RPS6KC1: variants seen among roughly 807,000 people sequenced by gnomAD.
RPS6KC1 encodes ribosomal protein S6 kinase C1, also known as inactive ribosomal protein S6 kinase delta-1.
In RPS6KC1, 54 loss-of-function variants were observed where a neutral mutation model predicts 103.8. That is an observed-to-expected ratio of 0.52 (90% confidence interval 0.42 to 0.65). RPS6KC1 has a LOEUF of 0.65. Ranked by LOEUF, RPS6KC1 falls within the 30% of genes least tolerant of loss-of-function variation. The pLI, the probability that RPS6KC1 is intolerant of heterozygous loss-of-function variation, is 0.00. For synonymous variants in RPS6KC1, 439 were observed against 438.7 expected (o/e 1.00, Z -0.01); for missense variants, 1,151 against 1,253.8 (o/e 0.92, Z 1.24).
the RPS6KC1 span, among the ~76,000 whole-genome samples, chr1:213,449,632 T>G: frequency 6.6e-6 from 1 of 152,222 alleles, no homozygotes; most frequent in Non-Finnish European, 1.5e-5. Context: ...AACATATGAA[T>G]TTTTGCAGGA....
At chr1:213,662,202 C>T in the RPS6KC1 span, among the ~76,000 whole-genome samples, 1 of 141,064 alleles carries the variant, frequency 7.1e-6, no homozygotes, top group Non-Finnish European at 1.5e-5. Flanking sequence ...AGATAGCTCT[C>T]AGGTGCTTAG....
the RPS6KC1 span, among the ~76,000 whole-genome samples, chr1:213,723,305 T>C: frequency 9.2e-5 from 14 of 152,238 alleles, no homozygotes; most frequent in Non-Finnish European, 1.8e-4. Flanking sequence ...ATTTGTTTGC[T>C]AGGGCTGCCA....
At chr1:213,813,389 C>T in the RPS6KC1 span, among the ~76,000 whole-genome samples, 1 of 151,608 alleles carries the variant, frequency 6.6e-6, no homozygotes, top group African/African-American at 2.4e-5. Flanking sequence ...CAGCCTGTTC[C>T]ATGTTGAACA....
At position 213,242,527 on chromosome 1, in the gene RPS6KC1, A is replaced by G. The variant is rs754411379; in HGVS notation, c.2822-42A>G. 4 of 1,494,004 alleles carry G rather than the reference A, an allele frequency of 2.7e-6. No individual in the cohort carries two copies. In the South Asian group the frequency reaches 4.6e-5, roughly 17 times the overall value. The allele number at this position is 1,494,004 out of a possible 1,614,324, so 92.5% of individuals were successfully genotyped here. A position where few individuals can be genotyped will look rare whatever the true frequency, so the allele number is the denominator to read the frequency against. ...TACAGTTCACTTCTGCAGAAAATGGAAGAGAAAAATGTTTTGATTTCTCCT... is the reference window on the plus strand; with the variant it reads ...TACAGTTCACTTCTGCAGAAAATGGGAGAGAAAAATGTTTTGATTTCTCCT... On this transcript the variant is annotated intron_variant, in intron 11 of 14. Transcript: ENST00000366960.
At chr1:213,104,799 G>A in intron 4 of RPS6KC1, among the ~76,000 whole-genome samples, 1 of 144,324 alleles carries the variant, frequency 6.9e-6, no homozygotes, top group Non-Finnish European at 1.5e-5. Flanking sequence ...CTGTTGTTCA[G>A]TGGCCATTGA....
At chr1:213,751,091 C>G in the RPS6KC1 span, among the ~76,000 whole-genome samples, 21 of 152,134 alleles carry the variant, frequency 1.4e-4, no homozygotes, top group African/African-American at 5.1e-4. Context: ...TGGGCAAAGT[C>G]ATAGATACCA....
At chr1:213,069,718 A>G (rs778449397) in intron 1 of RPS6KC1, among the ~76,000 whole-genome samples, 3 of 152,172 alleles carry the variant, frequency 2.0e-5, no homozygotes, top group Non-Finnish European at 4.4e-5. Flanking sequence ...GTTTATTAAG[A>G]AAGTAAGGGA....
the RPS6KC1 span, among the ~76,000 whole-genome samples, chr1:213,310,405 A>G: frequency 1.3e-5 from 2 of 151,772 alleles, no homozygotes; most frequent in South Asian, 2.1e-4. Flanking sequence ...CTGTTCCTCA[A>G]TTCCCTTAGC....
the RPS6KC1 span, among the ~76,000 whole-genome samples, chr1:213,677,616 T>C: frequency 6.6e-6 from 1 of 152,236 alleles, no homozygotes; most frequent in East Asian, 1.9e-4. Context: ...TTCCAGACTC[T>C]GTTCAGATTC....
At chr1:213,522,841 A>G in the RPS6KC1 span, among the ~76,000 whole-genome samples, 1 of 152,224 alleles carries the variant, frequency 6.6e-6, no homozygotes, top group Non-Finnish European at 1.5e-5. Context: ...TATCCGGACC[A>G]TTAAAACTTT....
intron 7 of RPS6KC1, among the ~76,000 whole-genome samples, chr1:213,169,273 A>C (rs1253316465): frequency 2.0e-5 from 3 of 152,192 alleles, no homozygotes; most frequent in Non-Finnish European, 4.4e-5. Flanking sequence ...TGTACTAATC[A>C]GTGTAAGACA....
chr1:213,530,797 G>A, the RPS6KC1 span, among the ~76,000 whole-genome samples: 7 of 152,208 alleles, frequency 4.6e-5, no homozygotes, highest in Non-Finnish European at 7.3e-5. Flanking sequence ...TTTAATTTGA[G>A]CTCCTTTCTG....
At chr1:213,585,715 C>T in the RPS6KC1 span, among the ~76,000 whole-genome samples, 1 of 152,292 alleles carries the variant, frequency 6.6e-6, no homozygotes, top group East Asian at 1.9e-4. Context: ...GGTGTCTCTC[C>T]TCCTGAGGCC....
the RPS6KC1 span, among the ~76,000 whole-genome samples, chr1:213,448,969 G>T: frequency 6.6e-6 from 1 of 152,138 alleles, no homozygotes; most frequent in Non-Finnish European, 1.5e-5. Context: ...CTCAACTCGG[G>T]AAGTCTTGGT....
chr1:213,318,057 G>A, the RPS6KC1 span, among the ~76,000 whole-genome samples: 20 of 152,362 alleles, frequency 1.3e-4, no homozygotes, highest in Middle Eastern at 3.4e-3. Flanking sequence ...GGCTGTGTTC[G>A]CTTGGAGAGG....
the RPS6KC1 span, among the ~76,000 whole-genome samples, chr1:213,312,503 G>T: frequency 2.0e-5 from 3 of 152,174 alleles, no homozygotes; most frequent in Admixed American, 6.5e-5. Context: ...CTCCACAACA[G>T]AACTGACTTG....
chr1:213,625,898 A>G, the RPS6KC1 span, among the ~76,000 whole-genome samples: 1 of 152,184 alleles, frequency 6.6e-6, no homozygotes, highest in Non-Finnish European at 1.5e-5. Flanking sequence ...ATACGTGTGC[A>G]TGTGTCTTTA....
At chr1:213,137,777 C>CTCTCTCTCTCTCTCTATATA (rs1387641875) in intron 6 of RPS6KC1, among the ~76,000 whole-genome samples, 2 of 63,590 alleles carry the variant, frequency 3.1e-5, no homozygotes, top group African/African-American at 2.1e-4. Flanking sequence ...CTCTCTCTCT[C>CTCTCTCTCTCTCTCTATATA]TATATATATA....
chr1:213,674,182 C>T, the RPS6KC1 span, among the ~76,000 whole-genome samples: 1 of 152,164 alleles, frequency 6.6e-6, no homozygotes, highest in Non-Finnish European at 1.5e-5. Context: ...CCACGCCTGG[C>T]TACTTTTTGT....
Sources: allele counts gnomAD v4.1 joint callset (sites outside exome capture counted in the v4.1 genomes callset), GRCh38; gene constraint gnomAD v4.1.1; transcripts MANE v1.5; gene names NCBI Gene and HGNC (gene_info 2026-07-23, HGNC 2026-07-21).